TRIO: variants seen among roughly 807,000 people sequenced by gnomAD.
The protein encoded by TRIO is triple functional domain protein.
In TRIO, 58 loss-of-function variants were observed where a neutral mutation model predicts 351.9. The observed-to-expected ratio is 0.16, with a 90% confidence interval of 0.13 to 0.21. The LOEUF (loss-of-function observed/expected upper bound fraction) is 0.21, where lower values mean the gene tolerates loss of function less well. TRIO is among the 10% of genes least tolerant of loss of function. The pLI, the probability that TRIO is intolerant of heterozygous loss-of-function variation, is 1.00. For missense variants in TRIO, 3,201 were observed against 4,027.8 expected (o/e 0.79, Z 5.56); for synonymous variants, 1,758 against 1,595.7 (o/e 1.10, Z -2.42).
intron 1 of TRIO, among the ~76,000 whole-genome samples, chr5:14,157,406 C>A (rs1029091877): frequency 2.0e-5 from 3 of 148,404 alleles, no homozygotes; most frequent in African/African-American, 7.5e-5. Context: ...CCCCTCCCCG[C>A]CTCCCTCCCT....
intron 7 of TRIO, among the ~76,000 whole-genome samples, chr5:14,302,239 A>G (rs1444162013): frequency 2.6e-5 from 4 of 152,222 alleles, no homozygotes; most frequent in Non-Finnish European, 5.9e-5. Context: ...ATGAAGTATT[A>G]TATAACTGAA....
intron 1 of TRIO, among the ~76,000 whole-genome samples, chr5:14,222,597 C>T (rs955717528): frequency 2.0e-5 from 3 of 152,226 alleles, no homozygotes; most frequent in African/African-American, 7.2e-5. Flanking sequence ...GCAGCCCCTT[C>T]CAGACCTCTT....
chr5:14,304,732 C>G lies in TRIO; in HGVS notation c.1500+140C>G, dbSNP rs1391979234. 7.1e-6 allele frequency: 7 copies of G among 989,826 alleles called. No homozygotes were observed. The Admixed American group carries it at 1.8e-4, about 25-fold the overall frequency. The allele number at this position is 989,826 out of a possible 1,614,324, so 61.3% of individuals were successfully genotyped here. ...GTTAGACTGCAGTTTAATTGTTTAGCATTTGAACCCCTGTGTGTGTGGGGA... is the reference window on the plus strand; with the variant it reads ...GTTAGACTGCAGTTTAATTGTTTAGGATTTGAACCCCTGTGTGTGTGGGGA... On this transcript the variant is annotated intron_variant, in intron 8 of 56. Transcript: ENST00000344204.
At chr5:14,337,664 G>T (rs192755405) in intron 11 of TRIO, among the ~76,000 whole-genome samples, 5 of 152,164 alleles carry the variant, frequency 3.3e-5, no homozygotes, top group Non-Finnish European at 7.3e-5. Context: ...AGGCATCAGT[G>T]CTCGGAGACC....
chr5:14,297,299 A>C (rs1172259866), intron 7 of TRIO, 36 bp downstream of exon 7: 4 of 1,592,258 alleles, frequency 2.5e-6, no homozygotes, highest in Non-Finnish European at 3.4e-6. Context: ...CGAGGTGGTA[A>C]CCAGAATAGT....
intron 10 of TRIO, among the ~76,000 whole-genome samples, chr5:14,335,459 C>G (rs1263872711): frequency 6.6e-6 from 1 of 152,170 alleles, no homozygotes; most frequent in East Asian, 1.9e-4. Context: ...CAGCGTCTCC[C>G]GGGGCTCCCC....
intron 4 of TRIO, among the ~76,000 whole-genome samples, chr5:14,289,476 C>T (rs1484909930): frequency 1.1e-4 from 17 of 152,026 alleles, no homozygotes; most frequent in Non-Finnish European, 2.5e-4. Flanking sequence ...TGGCTTGAGC[C>T]CAGGAATTTA....
intron 1 of TRIO, among the ~76,000 whole-genome samples, chr5:14,208,659 T>C (rs76951528): frequency 2.0e-5 from 3 of 152,364 alleles, no homozygotes; most frequent in Non-Finnish European, 4.4e-5. Context: ...AAAGTCTAAC[T>C]GAAGAGTATA....
rs149805367 is a variant in TRIO at position 14,177,215 on chromosome 5, C to T, written c.157+33333C>T. Among the ~76,000 whole-genome samples the T allele has an allele frequency of 5.6e-3, 853 of 152,216 alleles. 7 individuals are homozygous for T. The highest frequency in any genetic ancestry group is 0.019 in the African/African-American group (787 of 41,506). On this transcript the variant is annotated intron_variant, in intron 1 of 56. Transcript: ENST00000344204. The stretch of plus-strand genomic sequence containing the variant: ...AACAGATTATTATTTATGTTATATA[C>T]GTGAGAAAACTCTTACAAGCCACCA...
intron 1 of TRIO, among the ~76,000 whole-genome samples, chr5:14,164,297 G>A (rs1396590489): frequency 6.6e-6 from 1 of 152,218 alleles, no homozygotes; most frequent in Non-Finnish European, 1.5e-5. Context: ...GGGAAATAGT[G>A]TGGAAATAAG....
intron 10 of TRIO, among the ~76,000 whole-genome samples, chr5:14,332,760 C>T (rs1449146755): frequency 6.6e-6 from 1 of 152,194 alleles, no homozygotes; most frequent in Non-Finnish European, 1.5e-5. Flanking sequence ...AACTTCATCT[C>T]TCGGAGCCTC....
intron 11 of TRIO, among the ~76,000 whole-genome samples, chr5:14,345,050 T>C (rs1742292207): frequency 6.6e-6 from 1 of 152,232 alleles, no homozygotes; most frequent in Non-Finnish European, 1.5e-5. Flanking sequence ...AAGAGAGTGA[T>C]ATTATAATAT....
At chr5:14,506,272 A>G (rs1163457529) in intron 55 of TRIO, among the ~76,000 whole-genome samples, 1 of 152,230 alleles carries the variant, frequency 6.6e-6, no homozygotes, top group Non-Finnish European at 1.5e-5. Context: ...GTTTGGCCTC[A>G]CCATCCTGTT....
intron 49 of TRIO, among the ~76,000 whole-genome samples, chr5:14,496,537 C>T (rs752326188): frequency 2.6e-5 from 4 of 152,202 alleles, no homozygotes; most frequent in Admixed American, 6.5e-5. Context: ...TTACTGGACC[C>T]ATCAAAATGT....
chr5:14,432,314 CT>C (rs1751223193), intron 34 of TRIO, among the ~76,000 whole-genome samples: 1 of 152,240 alleles, frequency 6.6e-6, no homozygotes, highest in African/African-American at 2.4e-5. Context: ...AAGATAGCCA[CT>C]GTACATACTG....
At chr5:14,469,853 G>A (rs978405691) in intron 37 of TRIO, among the ~76,000 whole-genome samples, 1 of 152,236 alleles carries the variant, frequency 6.6e-6, no homozygotes, top group Non-Finnish European at 1.5e-5. Flanking sequence ...CCTCCCTGCC[G>A]TCTGCAGCAT....
rs142468421 is a variant in TRIO, at chr5:14,314,420, A to G, written c.1501-2093A>G. ...AACTATTGTGAATATAGCAACTACA[A>G]CTGTAGCCTGGTCATGTGGCATCTT... On this transcript the variant is annotated intron_variant, in intron 8 of 56. Coordinates refer to ENST00000344204, the MANE Select transcript of TRIO (RefSeq NM_007118.4). 6.3e-3 allele frequency among the ~76,000 whole-genome samples: 954 copies of G among 152,318 alleles called. 6 individuals are homozygous for G. Among genetic ancestry groups the G allele is most frequent in the Non-Finnish European group, 0.01 (697 of 68,016 alleles).
intron 21 of TRIO, 42 bp downstream of exon 21, chr5:14,381,294 A>C (rs773907537): frequency 5.2e-6 from 8 of 1,548,156 alleles, no homozygotes; most frequent in Non-Finnish European, 6.9e-6. Flanking sequence ...TCTAAGTCGA[A>C]AGCGAGTCTT....
chr5:14,199,704 A>T (rs1790989705), intron 1 of TRIO, among the ~76,000 whole-genome samples: 1 of 151,890 alleles, frequency 6.6e-6, no homozygotes, highest in Non-Finnish European at 1.5e-5. Context: ...ATCCTAAAGT[A>T]GGGGATTTAT....
Sources: gnomAD v4.1 joint callset for allele counts (sites outside exome capture counted in the v4.1 genomes callset) on GRCh38, gnomAD v4.1.1 for gene constraint, MANE v1.5 for transcripts, NCBI Gene and HGNC (gene_info 2026-07-23, HGNC 2026-07-21) for gene names.